The following PRRC2B variants were observed in gnomAD, a reference collection of about 807,000 sequenced individuals.
PRRC2B encodes the protein proline rich coiled-coil 2B.
A neutral mutation model predicts 242.3 loss-of-function variants in PRRC2B; 68 were observed. That is an observed-to-expected ratio of 0.28 (90% CI 0.23 to 0.34). The LOEUF (loss-of-function observed/expected upper bound fraction) is 0.34. Among genes scored for constraint, PRRC2B ranks in the 10% least tolerant of loss-of-function variants. PRRC2B has a pLI of 1.00. For synonymous variants in PRRC2B, 1,228 were observed against 1,173.6 expected (o/e 1.05, Z -0.95); for missense variants, 2,835 against 2,954.8 (o/e 0.96, Z 0.94).
chr9:131,409,036 T>C (rs1014614647), intron 1 of PRRC2B, among the ~76,000 whole-genome samples: 7 of 145,280 alleles, frequency 4.8e-5, no homozygotes, highest in Non-Finnish European at 9.1e-5. Context: ...TTTTTTTTTT[T>C]CCTGAGATGG....
intron 1 of PRRC2B, among the ~76,000 whole-genome samples, chr9:131,376,278 T>A (rs1418166478): frequency 6.7e-6 from 1 of 148,662 alleles, no homozygotes; most frequent in African/African-American, 2.5e-5. Flanking sequence ...TGCTTGAACC[T>A]GGGTGGTGGA....
intron 1 of PRRC2B, among the ~76,000 whole-genome samples, chr9:131,407,424 C>T (rs1325404406): frequency 6.6e-6 from 1 of 151,926 alleles, no homozygotes; most frequent in African/African-American, 2.4e-5. Flanking sequence ...TGCATGCTCC[C>T]TTTTCCCACC....
intron 1 of PRRC2B, among the ~76,000 whole-genome samples, chr9:131,398,635 C>A (rs775696096): frequency 6.6e-6 from 1 of 152,136 alleles, no homozygotes; most frequent in African/African-American, 2.4e-5. Flanking sequence ...GCAATAGATA[C>A]TCCTTGAGCA....
At position 131,447,670 on chromosome 9, in the gene PRRC2B, A is replaced by G. The variant is rs762251528; in HGVS notation, c.986A>G (p.Asn329Ser). Residue 329 changes from asparagine to serine, a missense_variant, in exon 9 of 32, where the codon AAC (asparagine) becomes AGC (serine). Around this residue, in one of 7 missense-constraint regions of PRRC2B, gnomAD observed 626 missense variants for 685.5 expected, o/e 0.91. Coordinates refer to ENST00000683519, the MANE Select transcript of PRRC2B (RefSeq NM_013318.4). ...FQMNDQDGKE[N>S]RLGLSRPLRP... is the part of the protein sequence containing the mutation. ...ATCTTTTCTTTTATCAGAAAAGAAA[A>G]CAGGCTGGGATTGTCTCGCCCACTC... The G allele has an allele frequency of 5.0e-6, 8 of 1,597,900 alleles. No individual in the cohort carries two copies. In the South Asian group the frequency reaches 5.6e-5, roughly 11 times the overall value.
chr9:131,456,534 G>C (rs186192501), intron 10 of PRRC2B, among the ~76,000 whole-genome samples: 1,524 of 152,156 alleles, frequency 0.01, 24 homozygotes, highest in Non-Finnish European at 0.013. Context: ...GGGAGGCTGA[G>C]GCAGGAGAAT....
At chr9:131,466,514 T>C (rs955303824) in intron 12 of PRRC2B, among the ~76,000 whole-genome samples, 5 of 152,244 alleles carry the variant, frequency 3.3e-5, no homozygotes, top group African/African-American at 1.2e-4. Flanking sequence ...TTTTCCTTTA[T>C]ATCCTTGCCA....
At chr9:131,447,889 C>T (rs908678262) in intron 9 of PRRC2B, 85 bp downstream of exon 9, 10 of 1,426,016 alleles carry the variant, frequency 7.0e-6, no homozygotes, top group African/African-American at 2.8e-5. Context: ...CTGGCACCAC[C>T]GTGTGTTTTC....
chr9:131,375,494 G>T (rs1203521521), intron 1 of PRRC2B, among the ~76,000 whole-genome samples: 1 of 152,150 alleles, frequency 6.6e-6, no homozygotes, highest in Non-Finnish European at 1.5e-5. Flanking sequence ...AAGGTGCTTA[G>T]AATAATGCCT....
chr9:131,432,738 A>C lies in PRRC2B; in HGVS notation c.237A>C (p.Ile79=). The change falls in exon 3 of 32, where the codon ATA becomes ATC. Residue 79 remains isoleucine, a synonymous_variant. Coordinates refer to ENST00000683519, the MANE Select transcript of PRRC2B (RefSeq NM_013318.4). ...AAGGAAACGACCCCAACATCGTGAT[A>C]GTACCCAAGGACGGGACGGGATGGG... is the stretch of plus-strand genomic sequence containing the variant. The part of the protein sequence containing the change: ...ENKGNDPNIV[I]VPKDGTGWAN... 1 of 1,613,982 alleles carries C rather than the reference A, an allele frequency of 6.2e-7. No individual in the cohort carries two copies. Among genetic ancestry groups the C allele is most frequent in the Non-Finnish European group, 8.5e-7 (1 of 1,179,918 alleles).
chr9:131,385,323 G>C (rs1388749134), intron 1 of PRRC2B, among the ~76,000 whole-genome samples: 1 of 144,924 alleles, frequency 6.9e-6, no homozygotes, highest in African/African-American at 2.7e-5. Context: ...CCTGGGTAAC[G>C]AGCGAAAAAC....
At chr9:131,428,643 C>A (rs1838038051) in intron 1 of PRRC2B, among the ~76,000 whole-genome samples, 1 of 152,070 alleles carries the variant, frequency 6.6e-6, no homozygotes, top group Non-Finnish European at 1.5e-5. Flanking sequence ...GTGATCTGCC[C>A]ACCTCAGCCT....
chr9:131,474,667 C>T lies in PRRC2B; in HGVS notation c.2538C>T (p.His846=), dbSNP rs770699352. 2 of 1,613,578 alleles carry T rather than the reference C, an allele frequency of 1.2e-6. No homozygotes were observed. Among genetic ancestry groups the T allele is most frequent in the African/African-American group, 1.3e-5 (1 of 75,048 alleles). The change falls in exon 16 of 32, where the codon CAC becomes CAT. Residue 846 remains histidine, a synonymous_variant. Transcript: ENST00000683519. Reference sequence around the variant, plus strand: ...AGGATGCAGGTGCTCCTGGGGGTCACACCCAAAACCTCAGGTGTTCCCCAT... The same window carrying T: ...AGGATGCAGGTGCTCCTGGGGGTCATACCCAAAACCTCAGGTGTTCCCCAT... ...NVQDAGAPGG[H]TQNLRCSPLE...
chr9:131,449,039 A>T (rs895750069), intron 9 of PRRC2B, among the ~76,000 whole-genome samples: 7 of 152,158 alleles, frequency 4.6e-5, no homozygotes, highest in African/African-American at 1.7e-4. Context: ...CAGACTTCAG[A>T]TGAGTGGAGT....
Position 131,482,498 on chromosome 9 carries a change from C to A in PRRC2B, c.5111C>A (p.Pro1704His), listed in dbSNP as rs1294203735. ...GTLKPEEMSG[P>H]GLAEPKADSH... The stretch of plus-strand genomic sequence containing the variant: ...CTGAAGCCAGAGGAGATGAGCGGGC[C>A]CGGCCTGGCGGAACCCAAGGCCGAC... Residue 1704 changes from proline (P) to histidine (H), a missense_variant, in exon 21 of 32, where the codon CCC becomes CAC. By Grantham distance (77) the Pro-to-His change is moderately conservative. Around this residue, in one of 7 missense-constraint regions of PRRC2B, gnomAD observed 51 missense variants for 45.1 expected, o/e 1.13. Transcript: ENST00000683519. This position sits in a 1 kb window ranked among gnomAD's most constrained non-coding sequence, Gnocchi z 5.2. 6.2e-7 allele frequency: 1 copy of A among 1,611,686 alleles called. No homozygotes were observed. The highest frequency in any genetic ancestry group is 2.2e-5 in the East Asian group (1 of 44,794).
rs778448561 is a variant in PRRC2B, at chr9:131,491,488, C to T, written c.6289C>T (p.Gln2097Ter). The change falls in exon 29 of 32, where the codon CAG becomes TAG. Residue 2097 changes from glutamine to a stop codon, truncating the protein, a stop_gained. Coordinates refer to ENST00000683519, the MANE Select transcript of PRRC2B (RefSeq NM_013318.4). LOFTEE classifies it high-confidence loss of function. ...GCCACTGATCCTGCCCCAGTCTATT[C>T]AGCTGCCACCTGGGCAGAGCCTCTC... is the stretch of plus-strand genomic sequence containing the variant. ...QQPLILPQSI[Q>*]LPPGQSLSVG... is the part of the protein sequence containing the mutation. The T allele has an allele frequency of 6.2e-7, 1 of 1,612,590 alleles. No individual in the cohort carries two copies. The highest frequency in any genetic ancestry group is 8.5e-7 in the Non-Finnish European group (1 of 1,179,604).
chr9:131,384,854 C>G (rs914937941), intron 1 of PRRC2B, among the ~76,000 whole-genome samples: 2 of 152,092 alleles, frequency 1.3e-5, no homozygotes, highest in Admixed American at 6.6e-5. Flanking sequence ...CGCGCCTGGT[C>G]GAAGGAGACA....
intron 19 of PRRC2B, among the ~76,000 whole-genome samples, chr9:131,479,908 G>A (rs1413703410): frequency 2.0e-5 from 3 of 152,056 alleles, no homozygotes; most frequent in African/African-American, 7.2e-5. Context: ...AACATTTGTT[G>A]CCCTGAAAAC....
At chr9:131,421,568 A>C (rs893218366) in intron 1 of PRRC2B, among the ~76,000 whole-genome samples, 1 of 152,178 alleles carries the variant, frequency 6.6e-6, no homozygotes, top group African/African-American at 2.4e-5. Context: ...TCGTTCTATA[A>C]AGAGACATTC....
intron 11 of PRRC2B, among the ~76,000 whole-genome samples, chr9:131,460,398 T>TTC (rs1418199474): frequency 6.6e-6 from 1 of 152,224 alleles, no homozygotes; most frequent in Non-Finnish European, 1.5e-5. Flanking sequence ...TATCATCATC[T>TTC]TTCTTGTGAA....
Sources: gnomAD v4.1 joint callset for allele counts (sites outside exome capture counted in the v4.1 genomes callset) on GRCh38, gnomAD v4.1.1 for gene constraint, gnomAD v4.1.1 regional missense constraint, Gnocchi (gnomAD v3.1) non-coding constraint, MANE v1.5 for transcripts, NCBI Gene and HGNC (gene_info 2026-07-23, HGNC 2026-07-21) for gene names.